The following AXIN1 variants were observed in gnomAD, a reference collection of about 807,000 sequenced individuals.
AXIN1 encodes axin-1.
Under a neutral mutation model 76.4 loss-of-function variants are expected in AXIN1, and 30 were observed. That is an observed-to-expected ratio of 0.39 (90% CI 0.29 to 0.53). AXIN1 has a LOEUF of 0.53. AXIN1 is among the 20% of genes least tolerant of loss of function. The probability of loss-of-function intolerance (pLI) is 0.66; values close to 1 mark genes in which losing one functional copy is unlikely to be tolerated. For missense variants in AXIN1, 1,140 were observed against 1,198.8 expected, an observed-to-expected ratio of 0.95 and a Z score of 0.72; for synonymous variants, 545 against 501.4, an observed-to-expected ratio of 1.09 and a Z score of -1.16.
chr16:315,596 G>A (rs1160003809), intron 2 of AXIN1, among the ~76,000 whole-genome samples: 1 of 152,168 alleles, frequency 6.6e-6, no homozygotes, highest in Non-Finnish European at 1.5e-5. Context: ...GGGTGGCCGA[G>A]GCAGGCAGAT....
intron 2 of AXIN1, among the ~76,000 whole-genome samples, chr16:320,743 A>ATATATATATATTTTTTTTT (rs397722732): frequency 2.8e-5 from 3 of 107,664 alleles, no homozygotes; most frequent in African/African-American, 1.4e-4. Flanking sequence ...ATATATATAT[A>ATATATATATATTTTTTTTT]TTTTTTTTTT....
chr16:329,272 C>CAAAAAAAAAAAAAAAAAAAA (rs1176095680), intron 2 of AXIN1, among the ~76,000 whole-genome samples: 1 of 71,184 alleles, frequency 1.4e-5, no homozygotes, highest in Non-Finnish European at 2.6e-5. Context: ...GCGAGACTGT[C>CAAAAAAAAAAAAAAAAAAAA]AAAAAAAAAA....
intron 2 of AXIN1, among the ~76,000 whole-genome samples, chr16:336,816 C>CAAAAAAAAAAAAAAA (rs57147459): frequency 1.3e-5 from 1 of 77,080 alleles, no homozygotes; most frequent in African/African-American, 5.2e-5. Context: ...GACTCCGCCT[C>CAAAAAAAAAAAAAAA]AAAAAAAAAA....
intron 2 of AXIN1, among the ~76,000 whole-genome samples, chr16:340,146 C>G (rs1212425945): frequency 1.3e-5 from 2 of 152,146 alleles, no homozygotes; most frequent in Non-Finnish European, 2.9e-5. Flanking sequence ...CTCACGCACC[C>G]CTGCGGGAAC....
chr16:322,769 T>G (rs982754307), intron 2 of AXIN1, among the ~76,000 whole-genome samples: 1 of 152,074 alleles, frequency 6.6e-6, no homozygotes. Flanking sequence ...GACGGATGAG[T>G]GCATCCTTTA....
intron 2 of AXIN1, among the ~76,000 whole-genome samples, chr16:323,136 A>AAAAAG (rs1158272482): frequency 2.6e-5 from 4 of 152,180 alleles, no homozygotes; most frequent in Non-Finnish European, 1.5e-5. Context: ...GAAAGAAAGA[A>AAAAAG]AAAAGAAAAG....
rs928152615 is a variant in AXIN1 at position 338,299 on chromosome 16, C to T, written c.878+7849G>A. ...GGCTAGGGCACAGTTCCAAGAAGGG[C>T]CACAGGGGCCCGCAGGGACACTTAC... On this transcript the variant is annotated intron_variant, in intron 2 of 10. Transcript: ENST00000262320. Among the ~76,000 whole-genome samples, 10 of 152,348 alleles carry T rather than the reference C, an allele frequency of 6.6e-5. No individual in the cohort carries two copies. The South Asian group carries it at 1.9e-3, about 28-fold the overall frequency.
chr16:288,602 T>G (rs1029332154), intron 10 of AXIN1, among the ~76,000 whole-genome samples: 2 of 152,156 alleles, frequency 1.3e-5, no homozygotes, highest in Non-Finnish European at 2.9e-5. Context: ...ACTGGGGCCC[T>G]CCCTCAGCAC....
Position 297,244 on chromosome 16 carries a change from G to A in AXIN1, c.1785-18C>T, listed in dbSNP as rs2141504669. 6.2e-7 allele frequency: 1 copy of A among 1,603,040 alleles called. No homozygotes were observed. The highest frequency in any genetic ancestry group is 8.5e-7 in the Non-Finnish European group (1 of 1,179,714). ...CCTTCCCACTGCAAGGGCAAGAGCT[G>A]CGAGTCGCCCTGGCCTCCGGTGGCC... On this transcript the variant is annotated intron_variant, in intron 6 of 10. Transcript: ENST00000262320.
chr16:334,246 G>T (rs868839159), intron 2 of AXIN1, among the ~76,000 whole-genome samples: 6 of 144,478 alleles, frequency 4.2e-5, no homozygotes, highest in South Asian at 4.5e-4. Flanking sequence ...TAATTACACA[G>T]CACCCAGTAC....
intron 2 of AXIN1, among the ~76,000 whole-genome samples, chr16:342,371 A>G (rs2053945133): frequency 6.6e-6 from 1 of 152,084 alleles, no homozygotes; most frequent in Non-Finnish European, 1.5e-5. Flanking sequence ...GAGACCAAGA[A>G]CCCACCAATT....
chr16:306,534 C>T (rs1315965827), intron 4 of AXIN1, among the ~76,000 whole-genome samples: 1 of 151,748 alleles, frequency 6.6e-6, no homozygotes, highest in Non-Finnish European at 1.5e-5. Context: ...GCTCTGTGCA[C>T]CCGTTTCTCA....
At chr16:344,793 G>A (rs780344305) in intron 2 of AXIN1, among the ~76,000 whole-genome samples, 2 of 152,162 alleles carry the variant, frequency 1.3e-5, no homozygotes, top group African/African-American at 4.8e-5. Context: ...CCAGTCGACA[G>A]TCCATCTTAA....
rs2052634225 is a variant in AXIN1 at position 293,772 on chromosome 16, C to G, written c.1956-54G>C. ...TGTGGCCGACACCCTGGCCAGGTGGCCTGGTGGGGCTACACTCATCTCACA... is the reference window on the plus strand; with the variant it reads ...TGTGGCCGACACCCTGGCCAGGTGGGCTGGTGGGGCTACACTCATCTCACA... On this transcript the variant is annotated intron_variant, in intron 7 of 10. Transcript: ENST00000262320. This position sits in a 1 kb window ranked among gnomAD's most constrained non-coding sequence, Gnocchi z 4.6. 4 of 1,556,354 alleles carry G rather than the reference C, an allele frequency of 2.6e-6. No homozygotes were observed. Among genetic ancestry groups the G allele is most frequent in the Admixed American group, 1.7e-5 (1 of 59,924 alleles).
In AXIN1 at chr16:323,776, C is replaced by CCACACA. The variant is rs10673343; in HGVS notation, c.879-9099_879-9094dup. On this transcript the variant is annotated intron_variant, in intron 2 of 10. Transcript: ENST00000262320. ...GCCTGGGCAACAGAGTGAGACTCCA[C>CCACACA]CACACACACACACACACACACACAC... Among the ~76,000 whole-genome samples, 558 of 148,370 alleles carry CCACACA rather than the reference C, an allele frequency of 3.8e-3. 6 individuals are homozygous for CCACACA. Among genetic ancestry groups the CCACACA allele is most frequent in the African/African-American group, 9.2e-3 (371 of 40,240 alleles).
chr16:350,253 T>C (rs2054115290), intron 1 of AXIN1, among the ~76,000 whole-genome samples: 1 of 152,162 alleles, frequency 6.6e-6, no homozygotes, highest in East Asian at 1.9e-4. Flanking sequence ...CATGTCCCAA[T>C]TCCTGAAATC....
Position 289,506 on chromosome 16 carries a change from A to G in AXIN1, c.2396T>C (p.Leu799Pro). ...FCGEPIPYRT[L>P]VRGRAVTLGQ... Reference sequence around the variant, plus strand: ...CAGGGTGACAGCGCGGCCCCTCACCAGGGTGCGGTAGGGGATGGGTTCCCC... The same window carrying G: ...CAGGGTGACAGCGCGGCCCCTCACCGGGGTGCGGTAGGGGATGGGTTCCCC... Residue 799 changes from leucine (L) to proline (P), a missense_variant, in exon 10 of 11, where the codon CTG becomes CCG. Coordinates refer to ENST00000262320, the MANE Select transcript of AXIN1 (RefSeq NM_003502.4). The G allele has an allele frequency of 6.2e-7, 1 of 1,612,930 alleles. No individual in the cohort carries two copies. Among genetic ancestry groups the G allele is most frequent in the Non-Finnish European group, 8.5e-7 (1 of 1,180,006 alleles).
chr16:333,696 G>C (rs1567298331), intron 2 of AXIN1, among the ~76,000 whole-genome samples: 1 of 101,312 alleles, frequency 9.9e-6, no homozygotes, highest in Non-Finnish European at 1.8e-5. Flanking sequence ...TAAATTTATG[G>C]GGGGGGTGCC....
chr16:328,898 G>A (rs1186993314), intron 2 of AXIN1, among the ~76,000 whole-genome samples: 2 of 152,006 alleles, frequency 1.3e-5, no homozygotes, highest in African/African-American at 4.8e-5. Flanking sequence ...AGGAGAGATG[G>A]CGGGCAGGGA....
Sources: allele counts gnomAD v4.1 joint callset (sites outside exome capture counted in the v4.1 genomes callset), GRCh38; gene constraint gnomAD v4.1.1; non-coding constraint Gnocchi (gnomAD v3.1); transcripts MANE v1.5; gene names NCBI Gene and HGNC (gene_info 2026-07-23, HGNC 2026-07-21).